Variants in PCTP observed in about 807,000 individuals in gnomAD.
PCTP encodes phosphatidylcholine transfer protein.
In PCTP, 27 loss-of-function variants were observed where a neutral mutation model predicts 31.0. The observed-to-expected ratio is 0.87, with a 90% CI of 0.64 to 1.20. The LOEUF (loss-of-function observed/expected upper bound fraction) is 1.20, where lower values mean the gene tolerates loss of function less well. Ranked by LOEUF, PCTP falls within the 50% of genes most tolerant of loss-of-function variation. The pLI, the probability that PCTP is intolerant of heterozygous loss-of-function variation, is 0.00. For synonymous variants in PCTP, 108 were observed against 101.2 expected, an observed-to-expected ratio of 1.07 and a Z score of -0.40; for missense variants, 287 against 268.2, an observed-to-expected ratio of 1.07 and a Z score of -0.49.
intron 1 of PCTP, among the ~76,000 whole-genome samples, chr17:55,754,913 A>C (rs1167260997): frequency 6.6e-6 from 1 of 152,134 alleles, no homozygotes; most frequent in Non-Finnish European, 1.5e-5. Context: ...TGTCCAATAC[A>C]CACACGCCGC....
intron 2 of PCTP, among the ~76,000 whole-genome samples, chr17:55,786,978 T>G (rs2144997133): frequency 6.6e-6 from 1 of 152,094 alleles, no homozygotes; most frequent in East Asian, 1.9e-4. Flanking sequence ...ATTCATCTGT[T>G]TCTGGCATAT....
intron 3 of PCTP, among the ~76,000 whole-genome samples, chr17:55,799,120 G>A (rs920855095): frequency 1.3e-5 from 2 of 151,864 alleles, no homozygotes; most frequent in African/African-American, 4.8e-5. Context: ...ACAGCAGCTA[G>A]AGAGGAGAGA....
In PCTP at chr17:55,767,295, T is replaced by C. The variant is rs376481174; in HGVS notation, c.142-40T>C. ...TGTGGAATGCAGCTTTCTCTCAACTTGGGAACCAATAGACATTTCTACCTG... is the reference window on the plus strand; with the variant it reads ...TGTGGAATGCAGCTTTCTCTCAACTCGGGAACCAATAGACATTTCTACCTG... On this transcript the variant is annotated intron_variant, in intron 1 of 5. Coordinates refer to ENST00000268896, the MANE Select transcript of PCTP (RefSeq NM_021213.4). The C allele has an allele frequency of 3.9e-6, 5 of 1,288,528 alleles. No individual in the cohort carries two copies. In the African/African-American group the frequency reaches 7.4e-5, roughly 19 times the overall value. 79.8% of individuals were successfully genotyped at this position (1,288,528 alleles called of 1,614,324 possible). A position where few individuals can be genotyped will look rare whatever the true frequency, so the allele number is the denominator to read the frequency against.
chr17:55,851,813 A>G, the PCTP span, among the ~76,000 whole-genome samples: 22 of 152,330 alleles, frequency 1.4e-4, no homozygotes, highest in African/African-American at 5.3e-4. Context: ...AAACCTTAAT[A>G]TTCTGCCATA....
chr17:55,811,363 C>T (rs1912745424), intron 3 of PCTP, among the ~76,000 whole-genome samples: 3 of 152,306 alleles, frequency 2.0e-5, no homozygotes, highest in African/African-American at 4.8e-5. Flanking sequence ...CACATATTAT[C>T]TCATTTAATC....
intron 3 of PCTP, among the ~76,000 whole-genome samples, chr17:55,803,547 A>G (rs1912461921): frequency 1.3e-5 from 2 of 152,204 alleles, no homozygotes; most frequent in Admixed American, 6.5e-5. Context: ...GGCCTCAGAA[A>G]TAGTGCCACA....
chr17:55,751,401 T>C (rs1451583771), intron 1 of PCTP, 157 bp downstream of exon 1: 7 of 1,534,264 alleles, frequency 4.6e-6, no homozygotes, highest in South Asian at 1.2e-5. Context: ...GCTCTGGAGC[T>C]AGCGCAGGGG....
At chr17:55,777,618 GC>G (rs1911402856), downstream of PCTP, among the ~76,000 whole-genome samples, 1 of 152,158 alleles carries the variant, frequency 6.6e-6, no homozygotes, top group African/African-American at 2.4e-5. Flanking sequence ...TAGCATTGTC[GC>G]TAACAGCAAT....
intron 3 of PCTP, among the ~76,000 whole-genome samples, chr17:55,804,590 ATTC>A (rs1912517632): frequency 6.6e-6 from 1 of 152,190 alleles, no homozygotes; most frequent in African/African-American, 2.4e-5. Flanking sequence ...GGAAACCATC[ATTC>A]TTAGCAAATT....
At chr17:55,812,748 TA>T (rs1912792997) in intron 3 of PCTP, among the ~76,000 whole-genome samples, 1 of 152,232 alleles carries the variant, frequency 6.6e-6, no homozygotes, top group Non-Finnish European at 1.5e-5. Flanking sequence ...ATGTCCAGGC[TA>T]AATCTGTGTC....
intron 1 of PCTP, among the ~76,000 whole-genome samples, chr17:55,756,762 T>G (rs1258434885): frequency 6.6e-6 from 1 of 151,968 alleles, no homozygotes; most frequent in Non-Finnish European, 1.5e-5. Flanking sequence ...TATATATATT[T>G]AGGCTTCTCA....
the PCTP span, among the ~76,000 whole-genome samples, chr17:55,850,811 TTTG>T: frequency 1.3e-5 from 2 of 152,204 alleles, no homozygotes; most frequent in Non-Finnish European, 2.9e-5. Flanking sequence ...AAAGATATAA[TTTG>T]TTATCATTGG....
chr17:55,787,739 T>C (rs1911802189), intron 3 of PCTP: 1 of 152,212 alleles, frequency 6.6e-6, no homozygotes, highest in East Asian at 1.9e-4. Context: ...ATCTCCACTG[T>C]CTTTTCGATC....
intron 5 of PCTP, among the ~76,000 whole-genome samples, chr17:55,829,852 C>T (rs1905538361): frequency 1.3e-5 from 2 of 152,092 alleles, no homozygotes; most frequent in African/African-American, 4.8e-5. Flanking sequence ...CTTTTCTGAG[C>T]TTCAGCTTTC....
chr17:55,803,356 C>T (rs2145030457), intron 3 of PCTP, among the ~76,000 whole-genome samples: 1 of 152,292 alleles, frequency 6.6e-6, no homozygotes, highest in South Asian at 2.1e-4. Context: ...TTAGAAAAAA[C>T]TACTTTAAGT....
chr17:55,781,486 A>G (rs1911563171), downstream of PCTP, among the ~76,000 whole-genome samples: 1 of 152,232 alleles, frequency 6.6e-6, no homozygotes, highest in Non-Finnish European at 1.5e-5. Flanking sequence ...TTTGATAGAC[A>G]CTGTATTAGT....
In PCTP at chr17:55,776,628, C is replaced by T. The variant is rs1386200704; in HGVS notation, c.*528C>T. 2 of 1,230,290 alleles carry T rather than the reference C, an allele frequency of 1.6e-6. No individual in the cohort carries two copies. Among genetic ancestry groups the T allele is most frequent in the Admixed American group, 4.2e-5 (1 of 23,678 alleles). 76.2% of individuals were successfully genotyped at this position (1,230,290 alleles called of 1,614,324 possible). A position where few individuals can be genotyped will look rare whatever the true frequency, so the allele number is the denominator to read the frequency against. ...CCCAAACTGGATGACGTGCCAATGT[C>T]CATTTGCCTTATGCTTTGTGGAGCT... is the stretch of plus-strand genomic sequence containing the variant. On this transcript the variant is annotated 3_prime_UTR_variant, in exon 6 of 6. Coordinates refer to ENST00000268896, the MANE Select transcript of PCTP (RefSeq NM_021213.4).
At chr17:55,756,393 C>T (rs911396749) in intron 1 of PCTP, among the ~76,000 whole-genome samples, 2 of 152,118 alleles carry the variant, frequency 1.3e-5, no homozygotes, top group African/African-American at 4.8e-5. Flanking sequence ...TGATGTGTTT[C>T]AGATAAGGGA....
At chr17:55,788,616 G>A (rs1350597769) in intron 3 of PCTP, among the ~76,000 whole-genome samples, 1 of 152,032 alleles carries the variant, frequency 6.6e-6, no homozygotes, top group Non-Finnish European at 1.5e-5. Context: ...GATTGCTAGT[G>A]ATTATATAGT....
Sources: gnomAD v4.1 joint callset for allele counts (sites outside exome capture counted in the v4.1 genomes callset) on GRCh38, gnomAD v4.1.1 for gene constraint, MANE v1.5 for transcripts, NCBI Gene and HGNC (gene_info 2026-07-23, HGNC 2026-07-21) for gene names.